Variants in PIAS2 observed in about 807,000 individuals in gnomAD.
PIAS2 encodes protein inhibitor of activated STAT 2.
A neutral mutation model predicts 69.7 loss-of-function variants in PIAS2; 19 were observed. The ratio of observed to expected loss-of-function variants is 0.27; its 90% confidence interval spans 0.19 to 0.40. The LOEUF is 0.40. PIAS2 is among the 10% of genes least tolerant of loss of function. The pLI is 1.00. For synonymous variants in PIAS2, 261 were observed against 263.2 expected (o/e 0.99, Z 0.08); for missense variants, 624 against 757.0 (o/e 0.82, Z 2.06).
At chr18:46,879,420 G>A (rs2145834513) in intron 2 of PIAS2, among the ~76,000 whole-genome samples, 1 of 152,174 alleles carries the variant, frequency 6.6e-6, no homozygotes, top group East Asian at 1.9e-4. Flanking sequence ...GTGCAGATGA[G>A]GACAGGGAGA....
At chr18:46,819,467 T>C (rs1167953736) in intron 12 of PIAS2, among the ~76,000 whole-genome samples, 1 of 152,166 alleles carries the variant, frequency 6.6e-6, no homozygotes, top group Non-Finnish European at 1.5e-5. Flanking sequence ...AAAAGCCATT[T>C]TTTTCTATGG....
intron 3 of PIAS2, among the ~76,000 whole-genome samples, chr18:46,857,334 C>G (rs182010337): frequency 6.6e-6 from 1 of 152,138 alleles, no homozygotes; most frequent in Non-Finnish European, 1.5e-5. Flanking sequence ...AACAGAAATA[C>G]AACACCTAAA....
intron 7 of PIAS2, 29 bp from the exon 8 acceptor site, chr18:46,844,156 T>TA: frequency 2.5e-6 from 3 of 1,178,384 alleles, no homozygotes; most frequent in Non-Finnish European, 2.4e-6. Flanking sequence ...AAAAAAAATT[T>TA]AAAAAAATTA....
intron 12 of PIAS2, chr18:46,817,732 T>C (rs2041712090): frequency 1.1e-6 from 1 of 936,496 alleles, no homozygotes; most frequent in Non-Finnish European, 1.3e-6. Flanking sequence ...AATGTAAATA[T>C]TTCTCTCACT....
chr18:46,815,835 A>G, intron 12 of PIAS2: 1 of 991,824 alleles, frequency 1.0e-6, no homozygotes, highest in Non-Finnish European at 1.2e-6. Context: ...CATCAAGAGC[A>G]GTACATAGTC....
intron 2 of PIAS2, among the ~76,000 whole-genome samples, chr18:46,880,927 C>T (rs1340347508): frequency 1.3e-5 from 2 of 151,996 alleles, no homozygotes; most frequent in Admixed American, 6.6e-5. Flanking sequence ...AATTATAATC[C>T]CATTATATAC....
upstream of PIAS2, chr18:46,917,563 C>T (rs1477130131): frequency 1.6e-5 from 18 of 1,101,786 alleles, no homozygotes; most frequent in Non-Finnish European, 2.0e-5. Flanking sequence ...TAGCGGTGCC[C>T]CCTGCCCACC....
In PIAS2 at chr18:46,810,725, C is replaced by T. The variant is rs1181342254; in HGVS notation, c.*1708G>A. The T allele has an allele frequency of 6.7e-6, 1 of 148,876 alleles. No individual in the cohort carries two copies. Among genetic ancestry groups the T allele is most frequent in the African/African-American group, 2.5e-5 (1 of 40,278 alleles). 9.2% of individuals were successfully genotyped at this position (148,876 alleles called of 1,614,324 possible). On this transcript the variant is annotated 3_prime_UTR_variant, in exon 14 of 14. Coordinates refer to ENST00000585916, the MANE Select transcript of PIAS2 (RefSeq NM_004671.5). ...AAAGAACACACAAAGGCCATGGAAA[C>T]TTGAGAAGGTGAAAGAAAAAAAAAA... is the stretch of plus-strand genomic sequence containing the variant.
intron 12 of PIAS2, among the ~76,000 whole-genome samples, chr18:46,820,043 C>T (rs1228405380): frequency 6.6e-6 from 1 of 152,244 alleles, no homozygotes; most frequent in East Asian, 1.9e-4. Context: ...AAATTACACA[C>T]TATTCTGAAT....
chr18:46,902,137 A>G (rs1361079231), intron 1 of PIAS2, among the ~76,000 whole-genome samples: 1 of 152,186 alleles, frequency 6.6e-6, no homozygotes, highest in Non-Finnish European at 1.5e-5. Context: ...TGTGAAAACA[A>G]GTTAAAAACA....
At chr18:46,875,401 T>C (rs550535513) in intron 2 of PIAS2, among the ~76,000 whole-genome samples, 3 of 152,310 alleles carry the variant, frequency 2.0e-5, no homozygotes, top group African/African-American at 7.2e-5. Context: ...GTCACTGCAA[T>C]GTAACCCCTT....
intron 2 of PIAS2, among the ~76,000 whole-genome samples, chr18:46,872,139 T>G (rs2050448840): frequency 6.6e-6 from 1 of 152,154 alleles, no homozygotes; most frequent in Non-Finnish European, 1.5e-5. Context: ...CTTATAATAC[T>G]CCAATATAGC....
At chr18:46,852,315 C>G (rs2047084322) in intron 5 of PIAS2, among the ~76,000 whole-genome samples, 1 of 152,184 alleles carries the variant, frequency 6.6e-6, no homozygotes, top group African/African-American at 2.4e-5. Context: ...TTGGGAAAGG[C>G]AGGCATTTGA....
intron 1 of PIAS2, among the ~76,000 whole-genome samples, chr18:46,901,885 C>T (rs528309580): frequency 1.3e-5 from 2 of 152,290 alleles, no homozygotes; most frequent in African/African-American, 4.8e-5. Flanking sequence ...TGCCTACTAT[C>T]ACCCCTCATT....
At chr18:46,906,482 T>C (rs780171513) in intron 1 of PIAS2, among the ~76,000 whole-genome samples, 1 of 152,212 alleles carries the variant, frequency 6.6e-6, no homozygotes, top group Non-Finnish European at 1.5e-5. Context: ...AAGGTTATTA[T>C]ACAAAGTCAA....
At chr18:46,839,833 C>A (rs1449210644) in intron 8 of PIAS2, among the ~76,000 whole-genome samples, 2 of 149,528 alleles carry the variant, frequency 1.3e-5, no homozygotes, top group African/African-American at 2.5e-5. Flanking sequence ...CCACTGCACT[C>A]CAGCCTGGGC....
At chr18:46,878,473 G>A (rs1049441740) in intron 2 of PIAS2, among the ~76,000 whole-genome samples, 9 of 152,166 alleles carry the variant, frequency 5.9e-5, no homozygotes, top group African/African-American at 2.2e-4. Flanking sequence ...GTGCCTAAAT[G>A]TTAAATATAC....
At chr18:46,854,965 A>C (rs2047524618) in intron 5 of PIAS2, among the ~76,000 whole-genome samples, 1 of 152,084 alleles carries the variant, frequency 6.6e-6, no homozygotes, top group Non-Finnish European at 1.5e-5. Flanking sequence ...TGATTTCTTA[A>C]GTAAGATGCT....
intron 12 of PIAS2, among the ~76,000 whole-genome samples, chr18:46,819,477 G>A (rs1055946789): frequency 2.0e-5 from 3 of 151,906 alleles, no homozygotes; most frequent in Non-Finnish European, 4.4e-5. Flanking sequence ...TTTTTCTATG[G>A]ATACTATAAA....
Sources: allele counts gnomAD v4.1 joint callset (sites outside exome capture counted in the v4.1 genomes callset), GRCh38; gene constraint gnomAD v4.1.1; transcripts MANE v1.5; gene names NCBI Gene and HGNC (gene_info 2026-07-23, HGNC 2026-07-21).